Variants in NIBAN3 observed in about 807,000 individuals in gnomAD.
NIBAN3 encodes niban apoptosis regulator 3, also known as protein Niban 3.
Under a neutral mutation model 76.4 loss-of-function variants are expected in NIBAN3, and 66 were observed. The observed-to-expected ratio is 0.86, with a 90% CI of 0.71 to 1.06. The LOEUF (loss-of-function observed/expected upper bound fraction) is 1.06, where lower values mean the gene tolerates loss of function less well. Among genes scored for constraint, NIBAN3 ranks in the 50% least tolerant of loss-of-function variants. The probability of loss-of-function intolerance (pLI) is 0.00; values close to 1 mark genes in which losing one functional copy is unlikely to be tolerated. For missense variants in NIBAN3, 808 were observed against 810.7 expected, an observed-to-expected ratio of 1.00 and a Z score of 0.04; for synonymous variants, 360 against 355.2, an observed-to-expected ratio of 1.01 and a Z score of -0.15.
upstream of NIBAN3, among the ~76,000 whole-genome samples, chr19:17,524,231 C>G (rs914222222): frequency 6.6e-6 from 1 of 151,594 alleles, no homozygotes; most frequent in Non-Finnish European, 1.5e-5. Flanking sequence ...CATGCCCATC[C>G]TCTATCCCCT....
Position 17,553,555 on chromosome 19 carries a change from A to C in NIBAN3, c.*1657A>C. The C allele has an allele frequency of 1.2e-6, 2 of 1,613,970 alleles. No individual in the cohort carries two copies. Among genetic ancestry groups the C allele is most frequent in the Non-Finnish European group, 1.7e-6 (2 of 1,179,838 alleles). On this transcript the variant is annotated 3_prime_UTR_variant, in exon 15 of 15. Transcript: ENST00000599164. ...TGTCTGGAGTTTTCGGCCTACCCCA[A>C]GACAATGAGATATTCCTGACCTTTC... is the stretch of plus-strand genomic sequence containing the variant.
intron 12 of NIBAN3, among the ~76,000 whole-genome samples, chr19:17,544,964 TAGC>T (rs1297333920): frequency 6.6e-6 from 1 of 151,992 alleles, no homozygotes; most frequent in Non-Finnish European, 1.5e-5. Context: ...ATGCCTGTAA[TAGC>T]AGCACTTTGG....
At position 17,553,238 on chromosome 19, in the gene NIBAN3, C is replaced by T. The variant is rs572025500; in HGVS notation, c.*1340C>T. The T allele has an allele frequency of 1.2e-5, 19 of 1,560,670 alleles. No individual in the cohort carries two copies. The highest frequency in any genetic ancestry group is 6.8e-5 in the East Asian group (3 of 44,250). On this transcript the variant is annotated 3_prime_UTR_variant, in exon 15 of 15. Coordinates refer to ENST00000599164, the MANE Select transcript of NIBAN3 (RefSeq NM_001321827.2). Reference sequence around the variant, plus strand: ...ACTCTTTATATCTGAAGGATATGAACGCTTTGTGATACAGGTTACAGATTT... The same window carrying T: ...ACTCTTTATATCTGAAGGATATGAATGCTTTGTGATACAGGTTACAGATTT...
chr19:17,527,242 T>G, upstream of NIBAN3: 1 of 1,549,420 alleles, frequency 6.5e-7, no homozygotes, highest in Non-Finnish European at 8.7e-7. Context: ...GAACCCACTG[T>G]GACCAAGCCT....
At position 17,553,623 on chromosome 19, in the gene NIBAN3, C is replaced by A; in HGVS notation, c.*1725C>A. 6.9e-7 allele frequency: 1 copy of A among 1,449,934 alleles called. No homozygotes were observed. Among genetic ancestry groups the A allele is most frequent in the South Asian group, 1.1e-5 (1 of 87,234 alleles). The allele number at this position is 1,449,934 out of a possible 1,614,324, so 89.8% of individuals were successfully genotyped here. On this transcript the variant is annotated 3_prime_UTR_variant, in exon 15 of 15. Coordinates refer to ENST00000599164, the MANE Select transcript of NIBAN3 (RefSeq NM_001321827.2). ...CCCCACCTTCCGAAATACATTTGCT[C>A]AATACATTTGCACTTCATAGGCTTC...
upstream of NIBAN3, chr19:17,527,220 G>A (rs1478486105): frequency 9.0e-6 from 14 of 1,547,818 alleles, no homozygotes; most frequent in African/African-American, 2.7e-5. Context: ...GTGGGGCAGG[G>A]GCGGGGCCTC....
intron 13 of NIBAN3, 28 bp from the exon 14 acceptor site, chr19:17,549,416 G>T: frequency 4.5e-6 from 7 of 1,547,606 alleles, no homozygotes; most frequent in Non-Finnish European, 6.2e-6. Context: ...GCTTCCCCAG[G>T]TGTGTCCAAG....
intron 12 of NIBAN3, chr19:17,543,865 G>A (rs999526028): frequency 8.1e-5 from 26 of 320,904 alleles, no homozygotes; most frequent in African/African-American, 4.3e-4. Flanking sequence ...GGTGATGGGC[G>A]CCTGTAATTC....
Position 17,549,472 on chromosome 19 carries a change from T to G in NIBAN3, c.1695T>G (p.Asp565Glu). The change falls in exon 14 of 15, where the codon GAT becomes GAG. Residue 565 changes from aspartate (D) to glutamate (E), a missense_variant. By Grantham distance (45) the Asp-to-Glu change is conservative. Transcript: ENST00000599164. ...TGAAAAAGACCCTTGGTGCCAATGATGTATCCTGCACTCTGGACGGCTGCT... is the reference window on the plus strand; with the variant it reads ...TGAAAAAGACCCTTGGTGCCAATGAGGTATCCTGCACTCTGGACGGCTGCT... ...QELKKTLGAN[D>E]VSCTLDGCLE... 6.2e-7 allele frequency: 1 copy of G among 1,613,776 alleles called. No individual in the cohort carries two copies. The highest frequency in any genetic ancestry group is 8.5e-7 in the Non-Finnish European group (1 of 1,179,782).
chr19:17,542,077 C>T lies in NIBAN3; in HGVS notation c.1171-59C>T, dbSNP rs76105949. On this transcript the variant is annotated intron_variant, in intron 9 of 14. Transcript: ENST00000599164. The surrounding 1 kb of genome is among the most constrained non-coding windows in gnomAD (Gnocchi z 4.8). ...CTTTGGTGAATTGGTAATGGGGTCCCTGGCCCTTTGCAATCAGCTGACAGC... is the reference window on the plus strand; with the variant it reads ...CTTTGGTGAATTGGTAATGGGGTCCTTGGCCCTTTGCAATCAGCTGACAGC... The T allele has an allele frequency of 9.4e-4, 1,508 of 1,601,104 alleles. 10 individuals are homozygous for T. In the African/African-American group the frequency reaches 0.017, roughly 18 times the overall value.
chr19:17,547,257 G>A (rs2144770272), intron 13 of NIBAN3, among the ~76,000 whole-genome samples: 1 of 150,594 alleles, frequency 6.6e-6, no homozygotes, highest in South Asian at 2.1e-4. Context: ...GGGAGGCTGA[G>A]GCAGCAGAAT....
chr19:17,526,517 G>A (rs190258412), upstream of NIBAN3, among the ~76,000 whole-genome samples: 237 of 151,946 alleles, frequency 1.6e-3, 2 homozygotes, highest in Admixed American at 0.012. Flanking sequence ...TGGTGGTGGC[G>A]TGTGCCTGTG....
intron 4 of NIBAN3, among the ~76,000 whole-genome samples, chr19:17,534,343 C>T (rs1278638737): frequency 1.3e-5 from 2 of 152,044 alleles, no homozygotes; most frequent in Non-Finnish European, 2.9e-5. Context: ...GGTGAAACCT[C>T]GTCTCTACTA....
rs200699370 is a variant in NIBAN3, at chr19:17,553,466, G to C, written c.*1568G>C. 6.2e-7 allele frequency: 1 copy of C among 1,614,142 alleles called. No individual in the cohort carries two copies. The highest frequency in any genetic ancestry group is 2.2e-5 in the East Asian group (1 of 44,882). Reference sequence around the variant, plus strand: ...CGGAGTGGGTTCCACAGGGATTCCCGTGTGTTCTTGGTTCAGCTTGCAGAG... The same window carrying C: ...CGGAGTGGGTTCCACAGGGATTCCCCTGTGTTCTTGGTTCAGCTTGCAGAG... On this transcript the variant is annotated 3_prime_UTR_variant, in exon 15 of 15. Coordinates refer to ENST00000599164, the MANE Select transcript of NIBAN3 (RefSeq NM_001321827.2).
Position 17,553,168 on chromosome 19 carries a change from T to A in NIBAN3, c.*1270T>A, listed in dbSNP as rs912406649. 3.1e-6 allele frequency: 4 copies of A among 1,279,724 alleles called. No individual in the cohort carries two copies. Among genetic ancestry groups the A allele is most frequent in the Non-Finnish European group, 4.2e-6 (4 of 943,772 alleles). 79.3% of individuals were successfully genotyped at this position (1,279,724 alleles called of 1,614,324 possible). A position where few individuals can be genotyped will look rare whatever the true frequency, so the allele number is the denominator to read the frequency against. The stretch of plus-strand genomic sequence containing the variant: ...GTGAATTGCCTGTTCATAGCTTTTT[T>A]CTACTTTTCAGGAGTGTTTGCATTT... On this transcript the variant is annotated 3_prime_UTR_variant, in exon 15 of 15. Coordinates refer to ENST00000599164, the MANE Select transcript of NIBAN3 (RefSeq NM_001321827.2).
At chr19:17,526,126 A>G (rs1280258364), upstream of NIBAN3, among the ~76,000 whole-genome samples, 3 of 152,048 alleles carry the variant, frequency 2.0e-5, no homozygotes, top group African/African-American at 7.2e-5. Context: ...AGCCTGGCCA[A>G]CATAATGAAA....
rs772929398 is a variant in NIBAN3, at chr19:17,537,357, A to G, written c.428-19A>G. The stretch of plus-strand genomic sequence containing the variant: ...AGTGAATGAACGTCTAGAAGATGCG[A>G]CCTCCTGTTTGTTTTCAGGAGACCA... On this transcript the variant is annotated intron_variant, in intron 4 of 14. Coordinates refer to ENST00000599164, the MANE Select transcript of NIBAN3 (RefSeq NM_001321827.2). The G allele has an allele frequency of 1.9e-6, 3 of 1,610,284 alleles. No homozygotes were observed. Among genetic ancestry groups the G allele is most frequent in the Non-Finnish European group, 1.7e-6 (2 of 1,177,590 alleles).
chr19:17,540,357 G>T lies in NIBAN3; in HGVS notation c.980-35G>T, dbSNP rs528871691. Reference sequence around the variant, plus strand: ...CATCCCCATCTGTGAGGCACCTTGCGGAGGGGACTCCAGACCAGTGTCTTC... The same window carrying T: ...CATCCCCATCTGTGAGGCACCTTGCTGAGGGGACTCCAGACCAGTGTCTTC... On this transcript the variant is annotated intron_variant, in intron 8 of 14. Coordinates refer to ENST00000599164, the MANE Select transcript of NIBAN3 (RefSeq NM_001321827.2). The T allele has an allele frequency of 1.1e-4, 148 of 1,404,002 alleles. 3 individuals carry two copies. The South Asian group carries it at 2.2e-3, about 21-fold the overall frequency. The allele number at this position is 1,404,002 out of a possible 1,614,324, so 87.0% of individuals were successfully genotyped here.
At chr19:17,523,731 C>T (rs1010947268), upstream of NIBAN3, among the ~76,000 whole-genome samples, 3 of 152,180 alleles carry the variant, frequency 2.0e-5, no homozygotes, top group African/African-American at 7.2e-5. Flanking sequence ...CTCTCCCTCT[C>T]CCCAGCAACA....
Sources: allele counts gnomAD v4.1 joint callset (sites outside exome capture counted in the v4.1 genomes callset), GRCh38; gene constraint gnomAD v4.1.1; non-coding constraint Gnocchi (gnomAD v3.1); transcripts MANE v1.5; gene names NCBI Gene and HGNC (gene_info 2026-07-23, HGNC 2026-07-21).